Variants in L3MBTL4 observed in about 807,000 individuals in gnomAD.
L3MBTL4 encodes the protein lethal(3)malignant brain tumor-like protein 4.
A neutral mutation model predicts 84.5 loss-of-function variants in L3MBTL4; 70 were observed. The ratio of observed to expected loss-of-function variants is 0.83; its 90% confidence interval spans 0.68 to 1.01. The LOEUF (loss-of-function observed/expected upper bound fraction) is 1.01, where lower values mean the gene tolerates loss of function less well. Among genes scored for constraint, L3MBTL4 ranks in the 50% least tolerant of loss-of-function variants. L3MBTL4 has a pLI of 0.00. For missense variants in L3MBTL4, 715 were observed against 754.8 expected (o/e 0.95, Z 0.62); for synonymous variants, 274 against 259.8 (o/e 1.05, Z -0.52).
intron 1 of L3MBTL4, among the ~76,000 whole-genome samples, chr18:6,405,987 G>A (rs530641422): frequency 6.7e-5 from 10 of 148,880 alleles, no homozygotes; most frequent in Admixed American, 4.0e-4. Context: ...AGCATTCAGG[G>A]AATGAATGAA....
At chr18:6,253,985 C>T (rs1021016210) in intron 5 of L3MBTL4, among the ~76,000 whole-genome samples, 14 of 152,142 alleles carry the variant, frequency 9.2e-5, no homozygotes, top group African/African-American at 3.1e-4. Flanking sequence ...TACACATTTG[C>T]TCTTTTTCTA....
At chr18:6,340,811 C>T (rs1369718676) in intron 1 of L3MBTL4, among the ~76,000 whole-genome samples, 1 of 152,200 alleles carries the variant, frequency 6.6e-6, no homozygotes, top group East Asian at 1.9e-4. Context: ...CAATGATGCA[C>T]ATGAGCCCCC....
At chr18:6,359,805 T>G (rs1181753704) in intron 1 of L3MBTL4, among the ~76,000 whole-genome samples, 1 of 152,028 alleles carries the variant, frequency 6.6e-6, no homozygotes, top group Non-Finnish European at 1.5e-5. Context: ...TGAAAGAGAC[T>G]GTACATTCTC....
At chr18:6,128,921 T>C (rs2059787167) in intron 14 of L3MBTL4, among the ~76,000 whole-genome samples, 1 of 152,068 alleles carries the variant, frequency 6.6e-6, no homozygotes, top group African/African-American at 2.4e-5. Context: ...CCCCCTGATG[T>C]GTCTGGCTGT....
chr18:6,162,432 T>C (rs980312826), intron 13 of L3MBTL4, among the ~76,000 whole-genome samples: 1 of 152,208 alleles, frequency 6.6e-6, no homozygotes, highest in African/African-American at 2.4e-5. Context: ...TATCTTAAAA[T>C]ACTTCTAAAA....
chr18:6,061,534 C>T (rs74842054), intron 16 of L3MBTL4, among the ~76,000 whole-genome samples: 3,494 of 151,822 alleles, frequency 0.023, 135 homozygotes, highest in African/African-American at 0.08. Flanking sequence ...TTTGTGCTTT[C>T]GGTGTTTATT....
chr18:6,253,287 G>A (rs369545366), intron 5 of L3MBTL4, among the ~76,000 whole-genome samples: 17 of 152,374 alleles, frequency 1.1e-4, no homozygotes, highest in African/African-American at 3.8e-4. Flanking sequence ...GCTCACAGTT[G>A]TTCACAAATT....
intron 16 of L3MBTL4, among the ~76,000 whole-genome samples, chr18:6,045,828 A>T (rs2056594964): frequency 6.6e-6 from 1 of 152,230 alleles, no homozygotes; most frequent in Non-Finnish European, 1.5e-5. Context: ...ACCACACAAT[A>T]GGAACTACAA....
intron 1 of L3MBTL4, among the ~76,000 whole-genome samples, chr18:6,361,719 T>C (rs1292788339): frequency 6.6e-6 from 1 of 152,150 alleles, no homozygotes; most frequent in Admixed American, 6.5e-5. Context: ...CTGGCTGCAG[T>C]CCTATGCAGG....
chr18:6,274,886 A>C (rs636589), intron 4 of L3MBTL4, among the ~76,000 whole-genome samples: 129,934 of 152,106 alleles, frequency 0.85, 55,994 homozygotes, highest in African/African-American at 0.97. Flanking sequence ...TGAGACGTGA[A>C]AAAACTGGAC....
At chr18:5,977,176 G>A (rs1323918975) in intron 16 of L3MBTL4, among the ~76,000 whole-genome samples, 1 of 152,202 alleles carries the variant, frequency 6.6e-6, no homozygotes, top group Non-Finnish European at 1.5e-5. Context: ...GCTCCACACA[G>A]TGGCATCTCT....
At chr18:6,033,790 C>T (rs544257893) in intron 16 of L3MBTL4, among the ~76,000 whole-genome samples, 17 of 152,110 alleles carry the variant, frequency 1.1e-4, no homozygotes, top group Admixed American at 2.0e-4. Flanking sequence ...AGCTTAAGTC[C>T]GATGACACAC....
intron 16 of L3MBTL4, among the ~76,000 whole-genome samples, chr18:5,994,967 C>G (rs1484699487): frequency 6.6e-6 from 1 of 152,186 alleles, no homozygotes; most frequent in Non-Finnish European, 1.5e-5. Flanking sequence ...ATAAGCCTCC[C>G]TTTTGTTCAT....
At chr18:6,078,426 C>CAAAAAA (rs1200685986) in intron 16 of L3MBTL4, among the ~76,000 whole-genome samples, 1 of 34,908 alleles carries the variant, frequency 2.9e-5, no homozygotes, top group Non-Finnish European at 6.2e-5. Flanking sequence ...GAGTCCACCT[C>CAAAAAA]AAAAAAAAAA....
chr18:6,210,314 G>A (rs1006780320), intron 12 of L3MBTL4, among the ~76,000 whole-genome samples: 30 of 152,290 alleles, frequency 2.0e-4, no homozygotes, highest in East Asian at 7.7e-4. Flanking sequence ...GGGCACAAGC[G>A]ACAAAGTGAG....
intron 1 of L3MBTL4, among the ~76,000 whole-genome samples, chr18:6,350,385 C>T (rs944843196): frequency 2.6e-5 from 4 of 151,964 alleles, no homozygotes; most frequent in African/African-American, 9.7e-5. Flanking sequence ...ATATAAAGAA[C>T]TCATAATCTC....
At chr18:6,369,780 A>G (rs1268140440) in intron 1 of L3MBTL4, among the ~76,000 whole-genome samples, 1 of 152,208 alleles carries the variant, frequency 6.6e-6, no homozygotes, top group African/African-American at 2.4e-5. Context: ...AGAATAGCCC[A>G]GGTGCAAAGT....
chr18:6,278,537 T>C (rs548954116), intron 4 of L3MBTL4, among the ~76,000 whole-genome samples: 72 of 152,348 alleles, frequency 4.7e-4, no homozygotes, highest in Admixed American at 1.6e-3. Flanking sequence ...TTATATGTGA[T>C]ATGCATCTAT....
chr18:6,211,945 G>A (rs576699873), intron 12 of L3MBTL4, among the ~76,000 whole-genome samples: 4 of 152,068 alleles, frequency 2.6e-5, no homozygotes, highest in African/African-American at 4.8e-5. Flanking sequence ...CACTGTGCCC[G>A]GCCTACTTTT....
Sources: allele counts gnomAD v4.1 joint callset (sites outside exome capture counted in the v4.1 genomes callset), GRCh38; gene constraint gnomAD v4.1.1; transcripts MANE v1.5; gene names NCBI Gene and HGNC (gene_info 2026-07-23, HGNC 2026-07-21).